Variants in RAPGEF6 observed in about 807,000 individuals in gnomAD.
RAPGEF6 encodes PDZ domain containing guanine nucleotide exchange factor (GEF) 2.
A neutral mutation model predicts 171.4 loss-of-function variants in RAPGEF6; 56 were observed. The observed-to-expected ratio is 0.33, with a 90% CI of 0.26 to 0.41. The LOEUF (loss-of-function observed/expected upper bound fraction) is 0.41. Ranked by LOEUF, RAPGEF6 falls within the 10% of genes least tolerant of loss-of-function variation. The pLI is 1.00. For missense variants in RAPGEF6, 1,674 were observed against 1,921.4 expected (o/e 0.87, Z 2.41); for synonymous variants, 692 against 650.1 (o/e 1.06, Z -0.98).
chr5:131,504,235 G>A (rs1308320672), intron 11 of RAPGEF6, among the ~76,000 whole-genome samples: 1 of 152,066 alleles, frequency 6.6e-6, no homozygotes, highest in Non-Finnish European at 1.5e-5. Flanking sequence ...AGGCCGAGGT[G>A]GGAGGATCAC....
chr5:131,589,887 T>G (rs1440161162), intron 4 of RAPGEF6, among the ~76,000 whole-genome samples: 1 of 152,188 alleles, frequency 6.6e-6, no homozygotes, highest in Non-Finnish European at 1.5e-5. Context: ...CAGACAACTG[T>G]GGACCAGCTC....
chr5:131,492,554 G>C (rs753667750), intron 14 of RAPGEF6, 28 bp downstream of exon 14: 2 of 1,603,306 alleles, frequency 1.2e-6, no homozygotes, highest in South Asian at 1.1e-5. Flanking sequence ...AAGAAGGCTT[G>C]AATATAAGTG....
At chr5:131,515,911 T>C (rs1335809908) in intron 7 of RAPGEF6, among the ~76,000 whole-genome samples, 1 of 152,052 alleles carries the variant, frequency 6.6e-6, no homozygotes, top group Admixed American at 6.5e-5. Context: ...AAGAGTGTAA[T>C]TTAGATAACA....
chr5:131,439,441 A>G (rs1752237041), intron 24 of RAPGEF6, 140 bp downstream of exon 24: 4 of 1,389,134 alleles, frequency 2.9e-6, no homozygotes, highest in Non-Finnish European at 3.8e-6. Flanking sequence ...AATGCAATAC[A>G]AAACATCAAA....
intron 1 of RAPGEF6, 54 bp from the exon 2 acceptor site, chr5:131,604,747 A>G: frequency 2.0e-6 from 3 of 1,534,610 alleles, no homozygotes; most frequent in Non-Finnish European, 2.6e-6. Flanking sequence ...TGTTTAAAAT[A>G]TAAGGCACCC....
chr5:131,581,936 T>C (rs945689881), intron 4 of RAPGEF6, among the ~76,000 whole-genome samples: 1 of 152,204 alleles, frequency 6.6e-6, no homozygotes, highest in African/African-American at 2.4e-5. Flanking sequence ...CTCCTCACCC[T>C]TGTGAATGTA....
chr5:131,572,050 C>G (rs1209115892), intron 4 of RAPGEF6, among the ~76,000 whole-genome samples: 2 of 152,078 alleles, frequency 1.3e-5, no homozygotes, highest in African/African-American at 2.4e-5. Flanking sequence ...ATAATCCCAC[C>G]ACCTTTCACT....
At chr5:131,482,768 A>G (rs976982772) in intron 15 of RAPGEF6, among the ~76,000 whole-genome samples, 3 of 152,250 alleles carry the variant, frequency 2.0e-5, no homozygotes, top group Admixed American at 6.5e-5. Context: ...ACAGTAGGAA[A>G]GGGCAATCTT....
chr5:131,540,362 G>A (rs892331438), intron 6 of RAPGEF6, among the ~76,000 whole-genome samples: 3 of 152,156 alleles, frequency 2.0e-5, no homozygotes, highest in African/African-American at 7.2e-5. Flanking sequence ...GAGCCCAGGA[G>A]TTAAGACTAG....
chr5:131,468,269 T>C (rs1754505710), intron 17 of RAPGEF6, among the ~76,000 whole-genome samples: 1 of 147,858 alleles, frequency 6.8e-6, no homozygotes, highest in African/African-American at 2.5e-5. Flanking sequence ...GAGGCGTAGC[T>C]TGCAGTGAGC....
At chr5:131,432,475 G>A (rs10044009) in intron 25 of RAPGEF6, among the ~76,000 whole-genome samples, 21,550 of 151,870 alleles carry the variant, frequency 0.14, 3,679 homozygotes, top group African/African-American at 0.41. Flanking sequence ...AAAATTAGCC[G>A]GGCGTGGTGG....
At chr5:131,614,299 A>G (rs868278332) in intron 1 of RAPGEF6, among the ~76,000 whole-genome samples, 17 of 147,288 alleles carry the variant, frequency 1.2e-4, no homozygotes, top group South Asian at 8.4e-4. Context: ...AAAAAAAAAA[A>G]AAAGAAAGAA....
At chr5:131,555,206 A>G (rs1334405348) in intron 5 of RAPGEF6, among the ~76,000 whole-genome samples, 2 of 152,212 alleles carry the variant, frequency 1.3e-5, no homozygotes, top group African/African-American at 4.8e-5. Flanking sequence ...CTTGGTATCC[A>G]CATCTGCTAT....
intron 5 of RAPGEF6, among the ~76,000 whole-genome samples, chr5:131,561,706 C>CT (rs1761615230): frequency 6.6e-6 from 1 of 150,822 alleles, no homozygotes; most frequent in Non-Finnish European, 1.5e-5. Context: ...TCATGGTCCC[C>CT]TTTTAAAACT....
intron 4 of RAPGEF6, among the ~76,000 whole-genome samples, chr5:131,562,436 T>C (rs951056422): frequency 6.6e-6 from 1 of 152,110 alleles, no homozygotes; most frequent in Non-Finnish European, 1.5e-5. Flanking sequence ...TAAAAGTAAA[T>C]TATTATAATC....
At chr5:131,550,311 C>T (rs1049578792) in intron 5 of RAPGEF6, among the ~76,000 whole-genome samples, 9 of 152,184 alleles carry the variant, frequency 5.9e-5, no homozygotes, top group African/African-American at 1.7e-4. Context: ...CTAATGTTTA[C>T]ACCAAATAAA....
chr5:131,627,990 T>A (rs1580702968), intron 1 of RAPGEF6, among the ~76,000 whole-genome samples: 1 of 152,214 alleles, frequency 6.6e-6, no homozygotes, highest in Admixed American at 6.5e-5. Context: ...TTCCAACTGT[T>A]CCACTGGCTG....
intron 22 of RAPGEF6, among the ~76,000 whole-genome samples, chr5:131,444,909 T>C (rs1397075366): frequency 6.6e-6 from 1 of 152,176 alleles, no homozygotes; most frequent in Non-Finnish European, 1.5e-5. Flanking sequence ...ATGTTAAAGG[T>C]TCTATATACT....
chr5:131,623,477 C>CATTTTTTTTTTTTTTTTTTTTTT (rs1554088737), intron 1 of RAPGEF6, among the ~76,000 whole-genome samples: 1 of 114,184 alleles, frequency 8.8e-6, no homozygotes, highest in African/African-American at 3.4e-5. Context: ...TTTCACATTG[C>CATTTTTTTTTTTTTTTTTTTTTT]TTTTTTTTTT....
Sources: allele counts gnomAD v4.1 joint callset (sites outside exome capture counted in the v4.1 genomes callset), GRCh38; gene constraint gnomAD v4.1.1; transcripts MANE v1.5; gene names NCBI Gene and HGNC (gene_info 2026-07-23, HGNC 2026-07-21).